MYCBP2: variants seen among roughly 807,000 people sequenced by gnomAD.
MYCBP2 encodes the protein MYC binding protein 2.
MYCBP2 carries 120 observed loss-of-function variants against 525.3 expected under a neutral mutation model. The observed-to-expected ratio is 0.23, with a 90% CI of 0.20 to 0.27. The LOEUF (loss-of-function observed/expected upper bound fraction) is 0.27, where lower values mean the gene tolerates loss of function less well. Among genes scored for constraint, MYCBP2 ranks in the 10% least tolerant of loss-of-function variants. The pLI, the probability that MYCBP2 is intolerant of heterozygous loss-of-function variation, is 1.00. For missense variants in MYCBP2, 4,149 were observed against 5,657.1 expected (o/e 0.73, Z 8.55); for synonymous variants, 1,894 against 1,955.8 (o/e 0.97, Z 0.83).
chr13:77,123,712 A>G (rs1356349047), intron 54 of MYCBP2, among the ~76,000 whole-genome samples: 1 of 152,180 alleles, frequency 6.6e-6, no homozygotes, highest in Non-Finnish European at 1.5e-5. Flanking sequence ...ACTCTTACAT[A>G]TTTTTTGTAC....
intron 17 of MYCBP2, among the ~76,000 whole-genome samples, chr13:77,240,081 T>A (rs889633058): frequency 4.6e-5 from 7 of 152,196 alleles, no homozygotes; most frequent in African/African-American, 1.4e-4. Context: ...TGTAAGTATA[T>A]CATATTCATC....
At chr13:77,157,753 A>ACAACAAAC (rs1015391475) in intron 45 of MYCBP2, among the ~76,000 whole-genome samples, 184 bp downstream of exon 45, 1 of 152,168 alleles carries the variant, frequency 6.6e-6, no homozygotes, top group Non-Finnish European at 1.5e-5. Flanking sequence ...CTCTCTCTCA[A>ACAACAAAC]AAACAAACAA....
intron 4 of MYCBP2, among the ~76,000 whole-genome samples, chr13:77,276,164 A>G (rs1160850612): frequency 6.6e-6 from 1 of 152,242 alleles, no homozygotes; most frequent in Non-Finnish European, 1.5e-5. Flanking sequence ...ACTCGAGAAT[A>G]TAATCTAATT....
intron 6 of MYCBP2, 84 bp from the exon 7 acceptor site, chr13:77,270,147 T>C: frequency 7.0e-7 from 1 of 1,429,446 alleles, no homozygotes; most frequent in Non-Finnish European, 9.6e-7. Flanking sequence ...GAATGACATT[T>C]AATGCATGTA....
chr13:77,290,657 C>T (rs1316586421), intron 2 of MYCBP2, among the ~76,000 whole-genome samples: 1 of 152,022 alleles, frequency 6.6e-6, no homozygotes, highest in African/African-American at 2.4e-5. Context: ...CTTAAAATGG[C>T]AAAATTATAA....
chr13:77,188,430 T>C (rs1297882861), intron 30 of MYCBP2, among the ~76,000 whole-genome samples: 1 of 152,204 alleles, frequency 6.6e-6, no homozygotes, highest in Non-Finnish European at 1.5e-5. Flanking sequence ...AATTAATACA[T>C]GAGAGATCAA....
intron 3 of MYCBP2, among the ~76,000 whole-genome samples, chr13:77,287,835 C>T (rs1212519810): frequency 3.3e-5 from 5 of 152,202 alleles, no homozygotes; most frequent in Admixed American, 6.5e-5. Context: ...CTACTTCCAT[C>T]TGCCATGGCT....
At chr13:77,181,988 AATAC>A in intron 32 of MYCBP2, 66 bp from the exon 33 acceptor site, 1 of 1,250,858 alleles carries the variant, frequency 8.0e-7, no homozygotes, top group South Asian at 1.3e-5. Context: ...TAAGTTTCTG[AATAC>A]ATAAAAGGTA....
chr13:77,088,048 T>C (rs185018279), intron 61 of MYCBP2, among the ~76,000 whole-genome samples: 2 of 152,184 alleles, frequency 1.3e-5, no homozygotes, highest in East Asian at 3.9e-4. Context: ...CCTCCCAAAG[T>C]GCTAGGATTA....
At chr13:77,311,632 T>C (rs903796138) in intron 1 of MYCBP2, among the ~76,000 whole-genome samples, 14 of 144,292 alleles carry the variant, frequency 9.7e-5, no homozygotes, top group African/African-American at 3.3e-4. Context: ...AAACAATACA[T>C]AAAAAGTTCA....
intron 37 of MYCBP2, 99 bp from the exon 38 acceptor site, chr13:77,171,733 T>A: frequency 1.0e-5 from 12 of 1,199,796 alleles, no homozygotes; most frequent in Non-Finnish European, 1.4e-5. Flanking sequence ...ATTTAATTTA[T>A]AGCTTTTTAA....
Position 77,045,061 on chromosome 13 carries a change from T to C in MYCBP2, c.*317A>G, listed in dbSNP as rs2035296883. 2 of 411,146 alleles carry C rather than the reference T, an allele frequency of 4.9e-6. No homozygotes were observed. Among genetic ancestry groups the C allele is most frequent in the Admixed American group, 4.1e-5 (1 of 24,408 alleles). The allele number at this position is 411,146 out of a possible 1,614,324, so 25.5% of individuals were successfully genotyped here. Reference sequence around the variant, plus strand: ...GAAAGCCAGCATCGTTCTTAGTCCATGGGCATGGCGATTCTTTTATATCAA... The same window carrying C: ...GAAAGCCAGCATCGTTCTTAGTCCACGGGCATGGCGATTCTTTTATATCAA... On this transcript the variant is annotated 3_prime_UTR_variant, in exon 83 of 83. Coordinates refer to ENST00000544440, the MANE Select transcript of MYCBP2 (RefSeq NM_015057.5).
At chr13:77,280,615 T>C (rs759639886) in intron 3 of MYCBP2, among the ~76,000 whole-genome samples, 1 of 152,202 alleles carries the variant, frequency 6.6e-6, no homozygotes, top group Non-Finnish European at 1.5e-5. Flanking sequence ...TACAGTTTCC[T>C]ACGGTGACAA....
chr13:77,194,098 A>C (rs925531441), intron 27 of MYCBP2, 55 bp downstream of exon 27: 20 of 1,134,828 alleles, frequency 1.8e-5, no homozygotes, highest in Non-Finnish European at 2.4e-5. Flanking sequence ...ATTTATAATA[A>C]ATTTTTAATA....
chr13:77,105,002 T>C (rs1313751962), intron 55 of MYCBP2, among the ~76,000 whole-genome samples: 1 of 151,882 alleles, frequency 6.6e-6, no homozygotes, highest in Non-Finnish European at 1.5e-5. Flanking sequence ...TAATAAGGAG[T>C]TTGCAGCTAT....
chr13:77,106,161 C>T (rs962467039), intron 55 of MYCBP2, among the ~76,000 whole-genome samples: 1 of 152,116 alleles, frequency 6.6e-6, no homozygotes, highest in Non-Finnish European at 1.5e-5. Context: ...GGTGGCAGTA[C>T]ACAAATCTGG....
Position 77,106,103 on chromosome 13 carries a change from T to C in MYCBP2, c.8141-7090A>G, listed in dbSNP as rs149559115. On this transcript the variant is annotated intron_variant, in intron 55 of 82. Coordinates refer to ENST00000544440, the MANE Select transcript of MYCBP2 (RefSeq NM_015057.5). ...TTTTGCTGTATCAGGACCCTGACCT[T>C]ATCTCTGGAACCACAAACTAGAAGA... Among the ~76,000 whole-genome samples, 23 of 152,256 alleles carry C rather than the reference T, an allele frequency of 1.5e-4. No individual in the cohort carries two copies. The East Asian group carries it at 4.2e-3, about 28-fold the overall frequency.
At chr13:77,184,827 T>C (rs550579194) in intron 32 of MYCBP2, among the ~76,000 whole-genome samples, 4 of 152,334 alleles carry the variant, frequency 2.6e-5, no homozygotes, top group African/African-American at 9.6e-5. Flanking sequence ...CCCTGGTCAC[T>C]ATGGTTCTTT....
intron 55 of MYCBP2, among the ~76,000 whole-genome samples, chr13:77,115,246 T>A (rs922364612): frequency 2.0e-5 from 3 of 151,846 alleles, no homozygotes; most frequent in African/African-American, 4.8e-5. Context: ...ATGGTGATAA[T>A]GAAAATAAGG....
Sources: gnomAD v4.1 joint callset for allele counts (sites outside exome capture counted in the v4.1 genomes callset) on GRCh38, gnomAD v4.1.1 for gene constraint, MANE v1.5 for transcripts, NCBI Gene and HGNC (gene_info 2026-07-23, HGNC 2026-07-21) for gene names.